DLG2: variants seen among roughly 807,000 people sequenced by gnomAD.
DLG2 encodes discs large MAGUK scaffold protein 2.
A neutral mutation model predicts 132.5 loss-of-function variants in DLG2; 45 were observed. That is an observed-to-expected ratio of 0.34 (90% CI 0.27 to 0.44). The LOEUF (loss-of-function observed/expected upper bound fraction) is 0.44, where lower values mean the gene tolerates loss of function less well. Ranked by LOEUF, DLG2 falls within the 20% of genes least tolerant of loss-of-function variation. DLG2 has a pLI of 1.00. For missense variants in DLG2, 1,045 were observed against 1,196.9 expected (o/e 0.87, Z 1.87); for synonymous variants, 424 against 419.6 (o/e 1.01, Z -0.13).
intron 6 of DLG2, among the ~76,000 whole-genome samples, chr11:84,781,078 T>G (rs2153908443): frequency 6.6e-6 from 1 of 150,714 alleles, no homozygotes; most frequent in East Asian, 2.0e-4. Context: ...TGTGTGTGTG[T>G]GTGTGTGTGT....
intron 3 of DLG2, among the ~76,000 whole-genome samples, chr11:85,345,458 C>T (rs1345271453): frequency 2.6e-5 from 4 of 152,082 alleles, no homozygotes; most frequent in Non-Finnish European, 4.4e-5. Flanking sequence ...TAGTTTTACA[C>T]ATATTTTTTA....
At chr11:84,960,762 C>T (rs536657751) in intron 6 of DLG2, among the ~76,000 whole-genome samples, 10 of 151,986 alleles carry the variant, frequency 6.6e-5, no homozygotes, top group East Asian at 3.9e-4. Flanking sequence ...CTTTTCACTC[C>T]GAGAAAAGAA....
chr11:84,328,549 T>C (rs565366075), intron 7 of DLG2, among the ~76,000 whole-genome samples: 1 of 152,290 alleles, frequency 6.6e-6, no homozygotes, highest in East Asian at 1.9e-4. Flanking sequence ...AATGCAATCA[T>C]AAAATGGAAT....
intron 6 of DLG2, among the ~76,000 whole-genome samples, chr11:84,768,956 T>C (rs984511176): frequency 2.0e-5 from 3 of 152,086 alleles, no homozygotes; most frequent in Non-Finnish European, 4.4e-5. Flanking sequence ...AATATATTAA[T>C]AACATTGTAG....
intron 3 of DLG2, among the ~76,000 whole-genome samples, chr11:85,526,813 G>GT (rs1302385660): frequency 1.3e-5 from 2 of 151,946 alleles, no homozygotes; most frequent in Non-Finnish European, 2.9e-5. Context: ...CTTTGTACTT[G>GT]TTTTTTTCTG....
At position 84,262,615 on chromosome 11, in the gene DLG2, G is replaced by A. The variant is rs144789582; in HGVS notation, c.520-11324C>T. 2.1e-4 allele frequency among the ~76,000 whole-genome samples: 32 copies of A among 151,884 alleles called. No homozygotes were observed. In the East Asian group the frequency reaches 2.7e-3, roughly 13 times the overall value. On this transcript the variant is annotated intron_variant, in intron 7 of 27. Transcript: ENST00000376104. ...TTTAGTGGTGATTTGTGAGATTTTC[G>A]TGCACGCATCACTCGAGCAGTATAC... is the stretch of plus-strand genomic sequence containing the variant.
chr11:84,795,267 C>T (rs973606061), intron 6 of DLG2, among the ~76,000 whole-genome samples: 2 of 152,014 alleles, frequency 1.3e-5, no homozygotes, highest in African/African-American at 2.4e-5. Context: ...GGACACTCTG[C>T]CTGCAGAGAG....
intron 7 of DLG2, among the ~76,000 whole-genome samples, chr11:84,365,968 C>T (rs2098679899): frequency 6.6e-6 from 1 of 151,996 alleles, no homozygotes; most frequent in Non-Finnish European, 1.5e-5. Flanking sequence ...GAGAATGCCA[C>T]AGAGATACTC....
At chr11:85,527,198 C>A (rs574809737) in intron 3 of DLG2, among the ~76,000 whole-genome samples, 1 of 144,784 alleles carries the variant, frequency 6.9e-6, no homozygotes, top group East Asian at 2.0e-4. Flanking sequence ...TTTTATTTTA[C>A]TTTAAGTTCT....
chr11:84,759,207 A>G (rs1333207342), intron 6 of DLG2, among the ~76,000 whole-genome samples: 2 of 152,112 alleles, frequency 1.3e-5, no homozygotes, highest in Non-Finnish European at 2.9e-5. Flanking sequence ...GTAAGTAACC[A>G]TTGTCACTAG....
rs1267252661 is a variant in DLG2 at position 84,761,274 on chromosome 11, T to C, written c.358-226543A>G. ...ATGGTGTAATGGTTACTCCAGACTA[T>C]TGGTAAACCTGTAACATTTGGTAAT... On this transcript the variant is annotated intron_variant, in intron 6 of 27. Coordinates refer to ENST00000376104, the MANE Select transcript of DLG2 (RefSeq NM_001142699.3). 2.0e-5 allele frequency among the ~76,000 whole-genome samples: 3 copies of C among 152,230 alleles called. No individual in the cohort carries two copies. In the East Asian group the frequency reaches 5.8e-4, roughly 29 times the overall value.
intron 6 of DLG2, among the ~76,000 whole-genome samples, chr11:84,785,134 C>T (rs1456151663): frequency 6.6e-6 from 1 of 151,920 alleles, no homozygotes; most frequent in Non-Finnish European, 1.5e-5. Context: ...TCAGATCAGG[C>T]TGCAAAACAA....
At chr11:85,563,711 T>C (rs1355378936) in intron 3 of DLG2, among the ~76,000 whole-genome samples, 1 of 147,370 alleles carries the variant, frequency 6.8e-6, no homozygotes, top group Non-Finnish European at 1.5e-5. Context: ...AACTGGTTTA[T>C]CTGTTCACCA....
intron 3 of DLG2, among the ~76,000 whole-genome samples, chr11:85,387,128 T>A (rs2086409095): frequency 6.6e-6 from 1 of 152,152 alleles, no homozygotes; most frequent in African/African-American, 2.4e-5. Flanking sequence ...CCTCAGGTGA[T>A]CCACCTGCCT....
chr11:84,965,874 T>C (rs1295180757), intron 6 of DLG2, among the ~76,000 whole-genome samples: 1 of 152,098 alleles, frequency 6.6e-6, no homozygotes, highest in Non-Finnish European at 1.5e-5. Context: ...TATACTGTTA[T>C]CCTCTGCCTC....
At chr11:83,595,137 A>T (rs1323444160) in intron 19 of DLG2, among the ~76,000 whole-genome samples, 1 of 152,198 alleles carries the variant, frequency 6.6e-6, no homozygotes, top group Non-Finnish European at 1.5e-5. Context: ...TGGGAAAAAA[A>T]AACCACTTCT....
At chr11:83,529,365 G>A (rs1182892626) in intron 21 of DLG2, among the ~76,000 whole-genome samples, 1 of 151,982 alleles carries the variant, frequency 6.6e-6, no homozygotes, top group African/African-American at 2.4e-5. Context: ...TCTTGCTAAT[G>A]GTTCTTTGCT....
chr11:85,130,258 T>C (rs1270173638), intron 5 of DLG2, among the ~76,000 whole-genome samples: 1 of 152,200 alleles, frequency 6.6e-6, no homozygotes, highest in African/African-American at 2.4e-5. Flanking sequence ...ATTACCATTA[T>C]ACAATTATAT....
At chr11:85,121,352 C>T (rs1327042739) in intron 5 of DLG2, among the ~76,000 whole-genome samples, 5 of 150,944 alleles carry the variant, frequency 3.3e-5, no homozygotes, top group Non-Finnish European at 5.9e-5. Context: ...AAATATACTA[C>T]ATTAATATTG....
Sources: allele counts gnomAD v4.1 joint callset (sites outside exome capture counted in the v4.1 genomes callset), GRCh38; gene constraint gnomAD v4.1.1; transcripts MANE v1.5; gene names NCBI Gene and HGNC (gene_info 2026-07-23, HGNC 2026-07-21).